Variants in SLC44A5 observed in about 807,000 individuals in gnomAD.
SLC44A5 encodes choline transporter-like protein 5.
A neutral mutation model predicts 101.8 loss-of-function variants in SLC44A5; 57 were observed. The observed-to-expected ratio is 0.56, with a 90% confidence interval of 0.45 to 0.70. SLC44A5 has a LOEUF of 0.70. Among genes scored for constraint, SLC44A5 ranks in the 30% least tolerant of loss-of-function variants. SLC44A5 has a pLI of 0.00. For synonymous variants in SLC44A5, 281 were observed against 290.9 expected, an observed-to-expected ratio of 0.97 and a Z score of 0.35; for missense variants, 737 against 853.1, an observed-to-expected ratio of 0.86 and a Z score of 1.70.
chr1:75,387,155 G>A (rs1306863686), intron 3 of SLC44A5, among the ~76,000 whole-genome samples: 1 of 152,124 alleles, frequency 6.6e-6, no homozygotes, highest in African/African-American at 2.4e-5. Flanking sequence ...CTTGTGCAAG[G>A]ACTTCATGTC....
chr1:75,637,340 A>G, the SLC44A5 span, among the ~76,000 whole-genome samples: 1 of 152,010 alleles, frequency 6.6e-6, no homozygotes, highest in African/African-American at 2.4e-5. Flanking sequence ...ATAAAAAGAA[A>G]TGATCCTGAT....
chr1:75,460,901 A>C (rs2101692478), intron 2 of SLC44A5, among the ~76,000 whole-genome samples: 1 of 152,294 alleles, frequency 6.6e-6, no homozygotes, highest in Non-Finnish European at 1.5e-5. Context: ...TTAGTCAGGA[A>C]TTTGAATGGT....
chr1:75,218,120 A>T (rs1647000762), intron 17 of SLC44A5, among the ~76,000 whole-genome samples, 160 bp from the exon 18 acceptor site: 2 of 152,096 alleles, frequency 1.3e-5, no homozygotes, highest in East Asian at 1.9e-4. Flanking sequence ...TCTATAGAGG[A>T]TTTTAAACCA....
rs186388720 is a variant in SLC44A5 at position 75,584,622 on chromosome 1, T to A, written c.-70+26418A>T. ...TGTTTAGTATTTTTGAGACTGAGTT[T>A]CGCTCTGTCACCCAGGCTGGAGTGC... On this transcript the variant is annotated intron_variant, in intron 1 of 23. Transcript: ENST00000370859. 4.0e-3 allele frequency among the ~76,000 whole-genome samples: 603 copies of A among 152,284 alleles called. 8 individuals are homozygous for A. Among genetic ancestry groups the A allele is most frequent in the African/African-American group, 0.014 (580 of 41,548 alleles).
At chr1:75,221,594 C>T (rs190143978) in intron 14 of SLC44A5, among the ~76,000 whole-genome samples, 73 of 152,226 alleles carry the variant, frequency 4.8e-4, no homozygotes, top group Admixed American at 1.3e-3. Context: ...GTCACTCAGA[C>T]AGAAGTGGCA....
chr1:75,205,480 T>C (rs908031670), intron 23 of SLC44A5: 3 of 152,182 alleles, frequency 2.0e-5, no homozygotes, highest in African/African-American at 7.2e-5. Context: ...GTCTGATTCA[T>C]GCTTTGTTCT....
At chr1:75,271,395 G>C (rs1172550819) in intron 6 of SLC44A5, among the ~76,000 whole-genome samples, 1 of 151,674 alleles carries the variant, frequency 6.6e-6, no homozygotes, top group Non-Finnish European at 1.5e-5. Flanking sequence ...CCCATCTCTT[G>C]AGCAGTATAT....
chr1:75,371,277 T>C (rs1046329765), intron 3 of SLC44A5, among the ~76,000 whole-genome samples: 2 of 152,246 alleles, frequency 1.3e-5, no homozygotes, highest in African/African-American at 4.8e-5. Flanking sequence ...TTGTGTTCAA[T>C]TGTTACTGTG....
At chr1:75,279,883 G>C (rs1652260050) in intron 5 of SLC44A5, among the ~76,000 whole-genome samples, 1 of 151,766 alleles carries the variant, frequency 6.6e-6, no homozygotes, top group Non-Finnish European at 1.5e-5. Flanking sequence ...CCAATGTGTA[G>C]TATTTTGTCT....
At chr1:75,245,585 C>A (rs1649038133) in intron 7 of SLC44A5, among the ~76,000 whole-genome samples, 1 of 152,068 alleles carries the variant, frequency 6.6e-6, no homozygotes, top group African/African-American at 2.4e-5. Context: ...CTTTCACAGG[C>A]TTTAAATGAT....
intron 4 of SLC44A5, among the ~76,000 whole-genome samples, chr1:75,309,704 G>T (rs1471487803): frequency 3.3e-5 from 5 of 152,220 alleles, no homozygotes; most frequent in Admixed American, 2.0e-4. Context: ...GCCCTGGGTT[G>T]TCCATAGCAA....
intron 7 of SLC44A5, among the ~76,000 whole-genome samples, chr1:75,246,411 G>T (rs1649111559): frequency 6.6e-6 from 1 of 152,058 alleles, no homozygotes; most frequent in South Asian, 2.1e-4. Context: ...TCAGTCATTT[G>T]TTCATTCATT....
the SLC44A5 span, among the ~76,000 whole-genome samples, chr1:75,683,838 A>G: frequency 6.6e-6 from 1 of 152,078 alleles, no homozygotes; most frequent in Non-Finnish European, 1.5e-5. Flanking sequence ...TTTCCTCTAT[A>G]AAGACATGTA....
At chr1:75,386,615 G>A (rs1431563834) in intron 3 of SLC44A5, among the ~76,000 whole-genome samples, 19 of 152,142 alleles carry the variant, frequency 1.2e-4, no homozygotes, top group East Asian at 1.9e-4. Flanking sequence ...AGTCAATATC[G>A]TGAAAATGGC....
chr1:75,255,110 C>A (rs1430689477), intron 6 of SLC44A5, among the ~76,000 whole-genome samples: 1 of 152,098 alleles, frequency 6.6e-6, no homozygotes, highest in Non-Finnish European at 1.5e-5. Flanking sequence ...AGCCCTGTCA[C>A]CCCACATGGT....
At chr1:75,529,381 T>G (rs1670597951) in intron 2 of SLC44A5, among the ~76,000 whole-genome samples, 1 of 152,170 alleles carries the variant, frequency 6.6e-6, no homozygotes, top group African/African-American at 2.4e-5. Flanking sequence ...ATGCCCATCA[T>G]GTTCAAAATT....
intron 13 of SLC44A5, among the ~76,000 whole-genome samples, chr1:75,223,268 C>T (rs191781347): frequency 1.5e-3 from 232 of 152,286 alleles, no homozygotes; most frequent in Admixed American, 3.0e-3. Flanking sequence ...TGACGAGGCA[C>T]TTCTATATCC....
chr1:75,516,374 CGTG>C lies in SLC44A5; in HGVS notation c.13+25058_13+25060del, dbSNP rs1159164579. ...CTAAAAATACAAAAAATTAGCCGGGCGTGGTGGTGGCGGGCGCCTGTAGTCCCA... is the reference window on the plus strand; with the variant it reads ...CTAAAAATACAAAAAATTAGCCGGGCGTGGTGGCGGGCGCCTGTAGTCCCA... On this transcript the variant is annotated intron_variant, in intron 2 of 23. Transcript: ENST00000370859. 3.9e-5 allele frequency among the ~76,000 whole-genome samples: 6 copies of C among 152,004 alleles called. No individual in the cohort carries two copies. The East Asian group carries it at 1.2e-3, about 29-fold the overall frequency.
At chr1:75,586,818 G>A (rs1035692653) in intron 1 of SLC44A5, among the ~76,000 whole-genome samples, 4 of 152,030 alleles carry the variant, frequency 2.6e-5, no homozygotes, top group African/African-American at 7.2e-5. Context: ...GGCCTAGCAC[G>A]GTGCCTGCAG....
Sources: gnomAD v4.1 joint callset for allele counts (sites outside exome capture counted in the v4.1 genomes callset) on GRCh38, gnomAD v4.1.1 for gene constraint, MANE v1.5 for transcripts, NCBI Gene and HGNC (gene_info 2026-07-23, HGNC 2026-07-21) for gene names.